The following BMPER variants were observed in gnomAD, a reference collection of about 807,000 sequenced individuals.
The protein encoded by BMPER is BMP-binding endothelial regulator protein.
A neutral mutation model predicts 87.3 loss-of-function variants in BMPER; 45 were observed. That is an observed-to-expected ratio of 0.52 (90% CI 0.41 to 0.66). BMPER has a LOEUF of 0.66. BMPER is among the 30% of genes least tolerant of loss of function. The probability of loss-of-function intolerance (pLI) is 0.00; values close to 1 mark genes in which losing one functional copy is unlikely to be tolerated. For synonymous variants in BMPER, 326 were observed against 316.2 expected, an observed-to-expected ratio of 1.03 and a Z score of -0.33; for missense variants, 784 against 867.5, an observed-to-expected ratio of 0.90 and a Z score of 1.21.
Position 34,078,083 on chromosome 7 carries a change from G to A in BMPER, c.1079-774G>A, listed in dbSNP as rs980019457. Among the ~76,000 whole-genome samples, 44 of 151,952 alleles carry A rather than the reference G, an allele frequency of 2.9e-4. 1 individual carries two copies. Among genetic ancestry groups the A allele is most frequent in the Non-Finnish European group, 1.9e-4 (13 of 67,976 alleles). ...TTTAATTTTCTATAGAAATCTTAGG[G>A]CTGCCCTAAAGTGTAAAACTTTACT... On this transcript the variant is annotated intron_variant, in intron 11 of 14. Transcript: ENST00000649409.
intron 3 of BMPER, among the ~76,000 whole-genome samples, chr7:33,944,715 CTA>C (rs1045304355): frequency 6.6e-6 from 1 of 151,942 alleles, no homozygotes; most frequent in Non-Finnish European, 1.5e-5. Context: ...ATCGTTTATT[CTA>C]TGTGTACTTA....
intron 13 of BMPER, among the ~76,000 whole-genome samples, chr7:34,086,346 T>C (rs890832229): frequency 5.3e-5 from 8 of 152,356 alleles, no homozygotes; most frequent in African/African-American, 1.9e-4. Context: ...GCACGTTTAC[T>C]GGAAAGCTGG....
chr7:34,084,714 T>G (rs2127976551), intron 12 of BMPER, among the ~76,000 whole-genome samples: 1 of 152,372 alleles, frequency 6.6e-6, no homozygotes, highest in East Asian at 1.9e-4. Flanking sequence ...ACAGCATTTC[T>G]TCTTGACCTT....
chr7:34,153,241 T>G lies in BMPER; in HGVS notation c.2026T>G (p.Cys676Gly). 6.2e-7 allele frequency: 1 copy of G among 1,614,000 alleles called. No homozygotes were observed. Among genetic ancestry groups the G allele is most frequent in the Non-Finnish European group, 8.5e-7 (1 of 1,179,968 alleles). The change falls in exon 15 of 15, where the codon TGC becomes GGC. Residue 676 changes from cysteine to glycine, a missense_variant. Transcript: ENST00000649409. Reference protein sequence around the residue: ...PANLVLHKGRCIKPVLCPQR With the variant: ...PANLVLHKGRGIKPVLCPQR ...AAACTTGGTCCTTCACAAGGGAAGG[T>G]GCATCAAGCCAGTCCTTTGTCCCCA...
At chr7:34,096,943 G>A (rs1789546344) in intron 13 of BMPER, among the ~76,000 whole-genome samples, 1 of 152,206 alleles carries the variant, frequency 6.6e-6, no homozygotes, top group Non-Finnish European at 1.5e-5. Context: ...TCAAGGTGCT[G>A]GAATTCTAAA....
intron 2 of BMPER, among the ~76,000 whole-genome samples, chr7:33,911,922 C>T (rs759766691): frequency 3.9e-5 from 6 of 152,134 alleles, no homozygotes; most frequent in East Asian, 1.9e-4. Flanking sequence ...AAAGGGACGA[C>T]GGACGAGACA....
chr7:34,033,976 T>C (rs1041033799), intron 6 of BMPER, among the ~76,000 whole-genome samples: 18 of 152,336 alleles, frequency 1.2e-4, no homozygotes, highest in East Asian at 5.8e-4. Context: ...TTCTTCTATT[T>C]AACTGGTTTA....
At position 34,153,385 on chromosome 7, in the gene BMPER, A is replaced by T; in HGVS notation, c.*112A>T. The T allele has an allele frequency of 9.5e-7, 1 of 1,058,000 alleles. No homozygotes were observed. The allele number at this position is 1,058,000 out of a possible 1,614,324, so 65.5% of individuals were successfully genotyped here. A position where few individuals can be genotyped will look rare whatever the true frequency, so the allele number is the denominator to read the frequency against. On this transcript the variant is annotated 3_prime_UTR_variant, in exon 15 of 15. Transcript: ENST00000649409. ...CCCGATTCTGTAAACACACACACAC[A>T]GAGTATATATGTGTATATATATATA...
intron 6 of BMPER, among the ~76,000 whole-genome samples, chr7:33,984,543 G>A (rs868275667): frequency 4.6e-5 from 7 of 152,114 alleles, no homozygotes; most frequent in African/African-American, 1.7e-4. Flanking sequence ...AATTGTAATA[G>A]CTTCCTTGGA....
chr7:34,001,819 C>T (rs765127871), intron 6 of BMPER, among the ~76,000 whole-genome samples: 18 of 151,406 alleles, frequency 1.2e-4, no homozygotes, highest in South Asian at 6.2e-4. Flanking sequence ...TTTACAGGTA[C>T]GCATTTCTCT....
chr7:34,092,830 T>A (rs1453448232), intron 13 of BMPER, among the ~76,000 whole-genome samples: 1 of 152,262 alleles, frequency 6.6e-6, no homozygotes, highest in African/African-American at 2.4e-5. Flanking sequence ...AACATCATTT[T>A]ATCCAAGTCT....
intron 6 of BMPER, among the ~76,000 whole-genome samples, chr7:33,999,369 A>G (rs1786515231): frequency 6.6e-6 from 1 of 152,250 alleles, no homozygotes; most frequent in African/African-American, 2.4e-5. Context: ...TTCAAGCTTT[A>G]AAAAGATGTG....
intron 3 of BMPER, among the ~76,000 whole-genome samples, chr7:33,951,998 C>G (rs776269606): frequency 6.6e-6 from 1 of 152,122 alleles, no homozygotes; most frequent in Non-Finnish European, 1.5e-5. Flanking sequence ...ATAATTAAAA[C>G]CACCACAGCT....
chr7:33,933,934 G>C (rs779874125), intron 2 of BMPER, among the ~76,000 whole-genome samples: 1 of 152,084 alleles, frequency 6.6e-6, no homozygotes, highest in Non-Finnish European at 1.5e-5. Context: ...GGGAATTTTT[G>C]GTGAAAAAAA....
At chr7:33,987,997 T>C (rs1401594063) in intron 6 of BMPER, among the ~76,000 whole-genome samples, 1 of 152,208 alleles carries the variant, frequency 6.6e-6, no homozygotes, top group Non-Finnish European at 1.5e-5. Flanking sequence ...TGAAGGAGTA[T>C]CTTTTGGTCA....
intron 6 of BMPER, among the ~76,000 whole-genome samples, chr7:33,995,457 G>A (rs1279806861): frequency 6.6e-6 from 1 of 152,156 alleles, no homozygotes; most frequent in Non-Finnish European, 1.5e-5. Context: ...ACCTCCTGTT[G>A]CAAGGCTCTA....
At chr7:34,104,826 T>C (rs138413155) in intron 13 of BMPER, among the ~76,000 whole-genome samples, 59 of 152,266 alleles carry the variant, frequency 3.9e-4, no homozygotes, top group Admixed American at 1.2e-3. Context: ...GATGACACCA[T>C]CATGGATCTC....
At chr7:34,096,029 G>A (rs370496417) in intron 13 of BMPER, among the ~76,000 whole-genome samples, 3 of 152,138 alleles carry the variant, frequency 2.0e-5, no homozygotes, top group African/African-American at 7.2e-5. Context: ...AATGACCAAG[G>A]TGTCTCTTTC....
At chr7:33,977,482 C>T (rs1159548223) in intron 6 of BMPER, among the ~76,000 whole-genome samples, 2 of 152,040 alleles carry the variant, frequency 1.3e-5, no homozygotes, top group African/African-American at 4.8e-5. Context: ...TGCCATCTTG[C>T]GTGAGAGGGC....
Sources: gnomAD v4.1 joint callset for allele counts (sites outside exome capture counted in the v4.1 genomes callset) on GRCh38, gnomAD v4.1.1 for gene constraint, MANE v1.5 for transcripts, NCBI Gene and HGNC (gene_info 2026-07-23, HGNC 2026-07-21) for gene names.